The following HSPA12A variants were observed in gnomAD, a reference collection of about 807,000 sequenced individuals.
HSPA12A encodes the protein heat shock 70 kDa protein 12A.
HSPA12A carries 28 observed loss-of-function variants against 69.2 expected under a neutral mutation model. That is an observed-to-expected ratio of 0.40 (90% CI 0.30 to 0.55). HSPA12A has a LOEUF of 0.55. HSPA12A is among the 20% of genes least tolerant of loss of function. The pLI is 0.38. For missense variants in HSPA12A, 686 were observed against 900.7 expected (o/e 0.76, Z 3.05); for synonymous variants, 345 against 370.5 (o/e 0.93, Z 0.79).
intron 2 of HSPA12A, among the ~76,000 whole-genome samples, chr10:116,811,579 T>TAAAAAAAAAAAAA (rs60912684): frequency 7.2e-4 from 76 of 105,926 alleles, no homozygotes; most frequent in African/African-American, 2.7e-3. Context: ...TTGCTTTTGT[T>TAAAAAAAAAAAAA]AAAAAAAAAA....
At chr10:116,683,073 A>G (rs1849468528) in intron 7 of HSPA12A, among the ~76,000 whole-genome samples, 1 of 151,340 alleles carries the variant, frequency 6.6e-6, no homozygotes, top group Non-Finnish European at 1.5e-5. Flanking sequence ...AGATTTAACA[A>G]CAGTGCCCGG....
Position 116,692,385 on chromosome 10 carries a change from G to A in HSPA12A, c.629C>T (p.Pro210Leu), listed in dbSNP as rs782680311. Reference sequence around the variant, plus strand: ...AGCTTGTCTCATGAACTGCTTGGCCGGCTGCTTCCAGATGGCAGGCACCGT... The same window carrying A: ...AGCTTGTCTCATGAACTGCTTGGCCAGCTGCTTCCAGATGGCAGGCACCGT... ...VITVPAIWKQ[P>L]AKQFMRQAAY... is the part of the protein sequence containing the mutation. The change falls in exon 6 of 12, where the codon CCG becomes CTG. Residue 210 changes from proline (P) to leucine (L), a missense_variant. By Grantham distance (98) the Pro-to-Leu change is moderately conservative. Coordinates refer to ENST00000369209, the MANE Select transcript of HSPA12A (RefSeq NM_025015.3). 15 of 1,614,088 alleles carry A rather than the reference G, an allele frequency of 9.3e-6. No individual in the cohort carries two copies. Among genetic ancestry groups the A allele is most frequent in the South Asian group, 7.7e-5 (7 of 91,070 alleles).
intron 2 of HSPA12A, among the ~76,000 whole-genome samples, chr10:116,784,362 T>C (rs1844530564): frequency 6.6e-6 from 1 of 152,260 alleles, no homozygotes; most frequent in African/African-American, 2.4e-5. Flanking sequence ...CCAAAGTCCA[T>C]TGCCTGATTT....
intron 2 of HSPA12A, among the ~76,000 whole-genome samples, chr10:116,759,981 T>TGGAACTATGAACCCATTAA (rs1843934094): frequency 6.6e-6 from 1 of 152,190 alleles, no homozygotes; most frequent in African/African-American, 2.4e-5. Flanking sequence ...CCCAGCCACA[T>TGGAACTATGAACCCATTAA]GGAACTATGA....
At chr10:116,760,976 G>T (rs903786879) in intron 2 of HSPA12A, among the ~76,000 whole-genome samples, 1 of 152,000 alleles carries the variant, frequency 6.6e-6, no homozygotes, top group Non-Finnish European at 1.5e-5. Context: ...AGGCTAGCTA[G>T]ATGTACGTGG....
chr10:116,700,039 C>T (rs782460269), intron 4 of HSPA12A, among the ~76,000 whole-genome samples: 2 of 152,206 alleles, frequency 1.3e-5, no homozygotes, highest in African/African-American at 2.4e-5. Flanking sequence ...AAGAGCTTTA[C>T]GTATTTTGAT....
chr10:116,746,206 AC>A (rs1564806654), upstream of HSPA12A, among the ~76,000 whole-genome samples: 1 of 151,114 alleles, frequency 6.6e-6, no homozygotes, highest in Non-Finnish European at 1.5e-5. Context: ...CCCCAAACAA[AC>A]CCCCACCACA....
At chr10:116,684,078 G>T in intron 6 of HSPA12A, 116 bp from the exon 7 acceptor site, 1 of 847,970 alleles carries the variant, frequency 1.2e-6, no homozygotes, top group Non-Finnish European at 1.7e-6. Context: ...TGCATCTGTG[G>T]GACATTCTCT....
chr10:116,671,256 G>T lies in HSPA12A; in HGVS notation c.*3525C>A, dbSNP rs1192897647. 6.6e-6 allele frequency: 1 copy of T among 152,156 alleles called. No homozygotes were observed. The highest frequency in any genetic ancestry group is 2.1e-4 in the South Asian group (1 of 4,824). 9.4% of individuals were successfully genotyped at this position (152,156 alleles called of 1,614,324 possible). A position where few individuals can be genotyped will look rare whatever the true frequency, so the allele number is the denominator to read the frequency against. On this transcript the variant is annotated 3_prime_UTR_variant, in exon 12 of 12. Transcript: ENST00000369209. ...CAAGAGAGTTTGCAGACACAGTCCC[G>T]TCTGGTGGTGAACTGCTGCAAAGTT...
At chr10:116,792,660 ACCTGTGGT>A (rs1174867560) in intron 2 of HSPA12A, among the ~76,000 whole-genome samples, 2 of 149,602 alleles carry the variant, frequency 1.3e-5, no homozygotes, top group African/African-American at 4.9e-5. Context: ...GGTAGTGTGC[ACCTGTGGT>A]CCCAGCTACT....
chr10:116,824,817 A>T lies in HSPA12A; in HGVS notation c.91+10118T>A, dbSNP rs577034976. 8.8e-4 allele frequency among the ~76,000 whole-genome samples: 134 copies of T among 152,142 alleles called. 2 individuals are homozygous for T. In the South Asian group the frequency reaches 0.027, roughly 30 times the overall value. The stretch of plus-strand genomic sequence containing the variant: ...CCCGGCTAATTTTTGTATTTTTAGT[A>T]GAGATGGGGTTTCACCATGTTGGCC... On this transcript the variant is annotated intron_variant, in intron 2 of 12. Coordinates refer to the HSPA12A transcript ENST00000635765.
At chr10:116,712,697 C>T (rs1850473282) in intron 1 of HSPA12A, among the ~76,000 whole-genome samples, 1 of 152,010 alleles carries the variant, frequency 6.6e-6, no homozygotes, top group Non-Finnish European at 1.5e-5. Context: ...AGTCATTAGT[C>T]AGCAAATGGC....
At chr10:116,738,226 GC>G (rs1468094317) in intron 1 of HSPA12A, among the ~76,000 whole-genome samples, 1 of 152,172 alleles carries the variant, frequency 6.6e-6, no homozygotes, top group African/African-American at 2.4e-5. Context: ...CTCCAGCTTG[GC>G]CCACTCCTGA....
rs782263803 is a variant in HSPA12A, at chr10:116,675,413, G to C, written c.1396C>G (p.Leu466Val). ...IDSIIEHLRD[L>V]FQKPEVSTVK... ...GTGGACACCTCGGGCTTCTGAAACA[G>C]GTCCCCTGGAAGGGAAGAGGCAGGG... The change falls in exon 12 of 12, where the codon CTG becomes GTG. Residue 466 changes from leucine (L) to valine (V), a missense_variant. Coordinates refer to ENST00000369209, the MANE Select transcript of HSPA12A (RefSeq NM_025015.3). This position sits in a 1 kb window ranked among gnomAD's most constrained non-coding sequence, Gnocchi z 5.2. 25 of 1,588,348 alleles carry C rather than the reference G, an allele frequency of 1.6e-5. No individual in the cohort carries two copies. The African/African-American group carries it at 2.4e-4, about 15-fold the overall frequency.
rs555711481 is a variant in HSPA12A, at chr10:116,682,526, C to T, written c.836-649G>A. 9.8e-4 allele frequency among the ~76,000 whole-genome samples: 149 copies of T among 152,114 alleles called. 2 individuals are homozygous for T. In the South Asian group the frequency reaches 0.029, roughly 29 times the overall value. ...GCGGCCACAAGGTGGCGCGTCTGGG[C>T]CTGGCAAACCCCTGTGCTGCCTTTT... On this transcript the variant is annotated intron_variant, in intron 7 of 11. Coordinates refer to ENST00000369209, the MANE Select transcript of HSPA12A (RefSeq NM_025015.3).
chr10:116,826,108 C>A (rs1490496535), intron 2 of HSPA12A, among the ~76,000 whole-genome samples: 1 of 152,122 alleles, frequency 6.6e-6, no homozygotes, highest in African/African-American at 2.4e-5. Context: ...CCCACCCCCA[C>A]ACACACCCAA....
At position 116,694,607 on chromosome 10, in the gene HSPA12A, C is replaced by A. The variant is rs145698803; in HGVS notation, c.547-2140G>T. Among the ~76,000 whole-genome samples, 849 of 152,214 alleles carry A rather than the reference C, an allele frequency of 5.6e-3. 10 individuals carry two copies. Among genetic ancestry groups the A allele is most frequent in the African/African-American group, 0.019 (806 of 41,514 alleles). On this transcript the variant is annotated intron_variant, in intron 5 of 11. Transcript: ENST00000369209. ...TGTTGGCAAATTTGAAACGCACCAA[C>A]ATCCTGGGCTTTCTGAGTCCTAAAT...
chr10:116,701,887 T>G (rs530278321), intron 3 of HSPA12A, among the ~76,000 whole-genome samples: 2 of 152,194 alleles, frequency 1.3e-5, no homozygotes, highest in East Asian at 3.9e-4. Context: ...ACTAAAGGTC[T>G]TAGAGCAGGG....
chr10:116,769,108 C>T (rs1467439030), intron 2 of HSPA12A, among the ~76,000 whole-genome samples: 2 of 152,192 alleles, frequency 1.3e-5, no homozygotes, highest in African/African-American at 4.8e-5. Context: ...ATACCTCTGT[C>T]CTTAGAAGTC....
Sources: allele counts gnomAD v4.1 joint callset (sites outside exome capture counted in the v4.1 genomes callset), GRCh38; gene constraint gnomAD v4.1.1; non-coding constraint Gnocchi (gnomAD v3.1); transcripts MANE v1.5; gene names NCBI Gene and HGNC (gene_info 2026-07-23, HGNC 2026-07-21).